The following ENKUR variants were observed in gnomAD, a reference collection of about 807,000 sequenced individuals.
The protein encoded by ENKUR is enkurin, TRPC channel interacting protein, also known as enkurin.
A neutral mutation model predicts 27.6 loss-of-function variants in ENKUR; 19 were observed. The observed-to-expected ratio is 0.69, with a 90% CI of 0.48 to 1.01. ENKUR has a LOEUF of 1.01. Among genes scored for constraint, ENKUR ranks in the 50% least tolerant of loss-of-function variants. The pLI is 0.00. For synonymous variants in ENKUR, 117 were observed against 96.9 expected, an observed-to-expected ratio of 1.21 and a Z score of -1.22; for missense variants, 312 against 310.5, an observed-to-expected ratio of 1.00 and a Z score of -0.04.
At chr10:25,052,535 G>A (rs1296245893) in intron 2 of ENKUR, among the ~76,000 whole-genome samples, 1 of 152,160 alleles carries the variant, frequency 6.6e-6, no homozygotes. Context: ...CGCAGGCCAA[G>A]GTGGGAGAAT....
At chr10:25,055,790 C>T (rs752183894) in intron 2 of ENKUR, among the ~76,000 whole-genome samples, 5 of 152,174 alleles carry the variant, frequency 3.3e-5, no homozygotes, top group Non-Finnish European at 5.9e-5. Context: ...ACCCTCAAAA[C>T]GGTATGATGC....
At chr10:25,008,052 C>T (rs1165639056) in intron 1 of ENKUR, among the ~76,000 whole-genome samples, 8 of 150,214 alleles carry the variant, frequency 5.3e-5, no homozygotes, top group Admixed American at 4.7e-4. Context: ...GGCAGTTGGA[C>T]AAAATGTAAG....
chr10:24,987,708 G>A (rs1849810077), intron 4 of ENKUR, among the ~76,000 whole-genome samples: 1 of 152,162 alleles, frequency 6.6e-6, no homozygotes, highest in South Asian at 2.1e-4. Flanking sequence ...CTGCAAGTAT[G>A]TGTTCTGTAG....
At chr10:25,040,100 A>G (rs1851046645) in intron 2 of ENKUR, among the ~76,000 whole-genome samples, 1 of 151,994 alleles carries the variant, frequency 6.6e-6, no homozygotes, top group Middle Eastern at 3.2e-3. Flanking sequence ...TTTCCAGTAG[A>G]GTAGCTTTTA....
intron 2 of ENKUR, among the ~76,000 whole-genome samples, chr10:25,057,770 T>C (rs1013800196): frequency 3.3e-5 from 5 of 152,014 alleles, no homozygotes; most frequent in Admixed American, 6.6e-5. Flanking sequence ...TGACCAGCAT[T>C]TTTTGTTTAA....
intron 2 of ENKUR, chr10:25,024,171 T>G: frequency 1.2e-6 from 2 of 1,614,214 alleles, no homozygotes; most frequent in Non-Finnish European, 1.7e-6. Context: ...TGATTGAAAC[T>G]GCTTATGGGG....
chr10:25,057,891 G>A (rs1851279132), intron 2 of ENKUR, among the ~76,000 whole-genome samples: 1 of 152,098 alleles, frequency 6.6e-6, no homozygotes, highest in Admixed American at 6.6e-5. Context: ...ACTTTACCTA[G>A]TGTTTACATA....
At chr10:25,040,532 G>A (rs1851051870) in intron 2 of ENKUR, among the ~76,000 whole-genome samples, 1 of 143,718 alleles carries the variant, frequency 7.0e-6, no homozygotes, top group Admixed American at 7.0e-5. Context: ...CACCACGCCC[G>A]GCTAACTTTT....
intron 2 of ENKUR, chr10:25,024,102 G>A: frequency 6.2e-7 from 1 of 1,614,210 alleles, no homozygotes. Context: ...AAAGAGCACA[G>A]ATACTGTTGG....
At chr10:25,000,059 G>T (rs538155898) in intron 1 of ENKUR, among the ~76,000 whole-genome samples, 1 of 151,646 alleles carries the variant, frequency 6.6e-6, no homozygotes, top group Non-Finnish European at 1.5e-5. Context: ...TTTTTATTTT[G>T]AACTTTAATA....
chr10:25,036,121 G>A (rs1265976210), intron 2 of ENKUR, among the ~76,000 whole-genome samples: 1 of 152,154 alleles, frequency 6.6e-6, no homozygotes, highest in African/African-American at 2.4e-5. Flanking sequence ...ATATGGTTTG[G>A]CTGTGTCCCC....
At chr10:24,991,312 A>G (rs1849922909) in intron 3 of ENKUR, among the ~76,000 whole-genome samples, 1 of 151,958 alleles carries the variant, frequency 6.6e-6, no homozygotes, top group Non-Finnish European at 1.5e-5. Flanking sequence ...TACCTGAAAT[A>G]TCTTGAATAT....
chr10:25,057,428 C>CACACACACACAA (rs57431152), intron 2 of ENKUR, among the ~76,000 whole-genome samples: 43 of 132,042 alleles, frequency 3.3e-4, no homozygotes, highest in East Asian at 8.7e-4. Flanking sequence ...CACACACACA[C>CACACACACACAA]AATGCCCTTA....
At chr10:25,014,369 C>A (rs1309980635) in intron 1 of ENKUR, among the ~76,000 whole-genome samples, 1 of 152,116 alleles carries the variant, frequency 6.6e-6, no homozygotes, top group Non-Finnish European at 1.5e-5. Flanking sequence ...ATAAATCTTT[C>A]TTCTACTCAT....
intron 1 of ENKUR, among the ~76,000 whole-genome samples, chr10:25,004,670 T>C (rs891973818): frequency 1.3e-5 from 2 of 152,236 alleles, no homozygotes; most frequent in African/African-American, 2.4e-5. Flanking sequence ...ATTAGACCTT[T>C]GTCAGATGCA....
rs778257002 is a variant in ENKUR at position 24,990,539 on chromosome 10, T to A, written c.518A>T (p.Asp173Val). The A allele has an allele frequency of 7.4e-6, 12 of 1,613,964 alleles. No homozygotes were observed. Among genetic ancestry groups the A allele is most frequent in the Non-Finnish European group, 9.3e-6 (11 of 1,180,012 alleles). Residue 173 changes from aspartate (D) to valine (V), a missense_variant, in exon 4 of 6, where the codon GAT (aspartate) becomes GTT (valine). Physicochemically the swap from Asp to Val is radical, Grantham distance 152. Coordinates refer to ENST00000331161, the MANE Select transcript of ENKUR (RefSeq NM_145010.4). Reference protein sequence around the residue: ...EEIKKAQEDYDRYIQENLKKA... With the variant: ...EEIKKAQEDYVRYIQENLKKA... ...CTTAAGGTTTTCCTGGATATAACGA[T>A]CATAGTCTTCTTGGGCTTTCTTTAT... is the stretch of plus-strand genomic sequence containing the variant.
intron 2 of ENKUR, among the ~76,000 whole-genome samples, chr10:25,022,745 G>A (rs182283533): frequency 6.6e-6 from 1 of 152,268 alleles, no homozygotes; most frequent in East Asian, 1.9e-4. Context: ...TGAATTGCAA[G>A]TAGATAGCAC....
intron 2 of ENKUR, among the ~76,000 whole-genome samples, chr10:25,032,656 A>T (rs144747255): frequency 2.1e-4 from 32 of 152,266 alleles, no homozygotes; most frequent in African/African-American, 7.5e-4. Context: ...CGTCCTAATC[A>T]GCCAAATTTT....
Position 25,025,569 on chromosome 10 carries a change from T to G in ENKUR, c.38-29700A>C, listed in dbSNP as rs1850834114. 4 of 1,053,954 alleles carry G rather than the reference T, an allele frequency of 3.8e-6. No individual in the cohort carries two copies. In the South Asian group the frequency reaches 6.9e-5, roughly 18 times the overall value. 65.3% of individuals were successfully genotyped at this position (1,053,954 alleles called of 1,614,324 possible). ...TTTATGTAAATATCTCTATATCTGT[T>G]TGGAATTTCAAAAGTCTGATCTCTA... On this transcript the variant is annotated intron_variant, in intron 2 of 5. Coordinates refer to the ENKUR transcript ENST00000615958.
Sources: allele counts gnomAD v4.1 joint callset (sites outside exome capture counted in the v4.1 genomes callset), GRCh38; gene constraint gnomAD v4.1.1; transcripts MANE v1.5; gene names NCBI Gene and HGNC (gene_info 2026-07-23, HGNC 2026-07-21).